TBCK: variants seen among roughly 807,000 people sequenced by gnomAD.
TBCK encodes the protein TBC domain-containing protein kinase-like protein.
A neutral mutation model predicts 113.4 loss-of-function variants in TBCK; 99 were observed. The observed-to-expected ratio is 0.87, with a 90% CI of 0.74 to 1.03. The LOEUF is 1.03. Ranked by LOEUF, TBCK falls within the 50% of genes least tolerant of loss-of-function variation. The pLI, the probability that TBCK is intolerant of heterozygous loss-of-function variation, is 0.00. For missense variants in TBCK, 1,045 were observed against 1,061.3 expected (o/e 0.98, Z 0.21); for synonymous variants, 369 against 370.8 (o/e 1.00, Z 0.05).
At chr4:106,205,291 T>G (rs1482053968) in intron 20 of TBCK, among the ~76,000 whole-genome samples, 1 of 152,086 alleles carries the variant, frequency 6.6e-6, no homozygotes, top group Non-Finnish European at 1.5e-5. Context: ...TCTGTGTAAC[T>G]CAGCAACCAA....
intron 3 of TBCK, among the ~76,000 whole-genome samples, chr4:106,279,299 A>T (rs922851963): frequency 5.3e-5 from 8 of 152,136 alleles, no homozygotes; most frequent in Non-Finnish European, 1.0e-4. Context: ...ATGATTTTTT[A>T]AAATTTTTTT....
At chr4:106,258,286 G>A (rs1762193096) in intron 5 of TBCK, among the ~76,000 whole-genome samples, 1 of 151,946 alleles carries the variant, frequency 6.6e-6, no homozygotes, top group Non-Finnish European at 1.5e-5. Context: ...TAAGCTACTG[G>A]CCAACTGAAA....
intron 2 of TBCK, among the ~76,000 whole-genome samples, chr4:106,304,387 C>G (rs1322224038): frequency 2.0e-5 from 3 of 152,116 alleles, no homozygotes; most frequent in Non-Finnish European, 4.4e-5. Flanking sequence ...GATCCTCATA[C>G]CAAATAAATT....
intron 23 of TBCK, among the ~76,000 whole-genome samples, chr4:106,124,564 C>T (rs1439372046): frequency 1.7e-3 from 252 of 152,010 alleles, no homozygotes; most frequent in African/African-American, 5.6e-3. Context: ...ATGTTTATTG[C>T]GGCATTATTC....
At chr4:106,289,032 G>T (rs551223980) in intron 3 of TBCK, among the ~76,000 whole-genome samples, 1 of 152,196 alleles carries the variant, frequency 6.6e-6, no homozygotes, top group African/African-American at 2.4e-5. Flanking sequence ...TCCCAAATCC[G>T]AAACACTTCT....
rs1313867571 is a variant in TBCK at position 106,041,936 on chromosome 4, A to G, written c.*4634T>C. On this transcript the variant is annotated 3_prime_UTR_variant, in exon 26 of 26. Coordinates refer to ENST00000394708, the MANE Select transcript of TBCK (RefSeq NM_001163435.3). ...CTAACTTTTAAAATAGGTATTTACA[A>G]TGTGTACTGTTTCTAATATTGTATG... is the stretch of plus-strand genomic sequence containing the variant. The G allele has an allele frequency of 2.0e-5, 3 of 152,234 alleles. No individual in the cohort carries two copies. Among genetic ancestry groups the G allele is most frequent in the Admixed American group, 6.5e-5 (1 of 15,284 alleles). 9.4% of individuals were successfully genotyped at this position (152,234 alleles called of 1,614,324 possible). A position where few individuals can be genotyped will look rare whatever the true frequency, so the allele number is the denominator to read the frequency against.
intron 19 of TBCK, among the ~76,000 whole-genome samples, chr4:106,229,601 GTGTC>G (rs1758630136): frequency 1.3e-5 from 2 of 152,072 alleles, no homozygotes; most frequent in East Asian, 3.9e-4. Context: ...ATTGGTCTAT[GTGTC>G]TGTTTTTATG....
chr4:106,121,428 G>A (rs1347838464), intron 23 of TBCK, among the ~76,000 whole-genome samples: 1 of 144,492 alleles, frequency 6.9e-6, no homozygotes, highest in African/African-American at 2.6e-5. Context: ...AATAATGGGA[G>A]ACTTTAACAC....
chr4:106,316,533 G>A (rs546179277), upstream of TBCK: 8 of 1,551,550 alleles, frequency 5.2e-6, no homozygotes, highest in East Asian at 2.4e-5. Context: ...ATAGTACGCG[G>A]GTGGCTGGAC....
chr4:106,279,312 T>C (rs1764346877), intron 3 of TBCK, among the ~76,000 whole-genome samples: 1 of 152,170 alleles, frequency 6.6e-6, no homozygotes. Flanking sequence ...ATTTTTTTAA[T>C]TTTAATTTTT....
rs1366501053 is a variant in TBCK at position 106,260,851 on chromosome 4, G to GGTTA, written c.382-345_382-342dup. Among the ~76,000 whole-genome samples the GGTTA allele has an allele frequency of 1.1e-4, 16 of 151,926 alleles. 1 individual carries two copies. The highest frequency in any genetic ancestry group is 3.9e-4 in the African/African-American group (16 of 41,494). ...ACATTCTCATCTGTCTTGAAACCTT[G>GGTTA]GTTAGAATGTTTTGTGGTAATTTTC... is the stretch of plus-strand genomic sequence containing the variant. On this transcript the variant is annotated intron_variant, in intron 4 of 25. Coordinates refer to ENST00000394708, the MANE Select transcript of TBCK (RefSeq NM_001163435.3).
chr4:106,238,106 CATTT>C (rs1383773570), intron 12 of TBCK, among the ~76,000 whole-genome samples: 1 of 151,990 alleles, frequency 6.6e-6, no homozygotes. Flanking sequence ...AGCCTACATT[CATTT>C]AACTTGGATT....
intron 22 of TBCK, 90 bp from the exon 23 acceptor site, chr4:106,171,360 C>T: frequency 1.1e-6 from 1 of 892,714 alleles, no homozygotes; most frequent in African/African-American, 1.7e-5. Flanking sequence ...GTGAATATAT[C>T]TAAATATGGC....
chr4:106,267,713 T>C (rs1266725257), intron 3 of TBCK, among the ~76,000 whole-genome samples: 15 of 152,168 alleles, frequency 9.9e-5, no homozygotes, highest in African/African-American at 3.6e-4. Context: ...CTTGGTTGTA[T>C]TTGGATTTTC....
chr4:106,110,631 C>T (rs1321841936), intron 24 of TBCK, among the ~76,000 whole-genome samples: 2 of 152,136 alleles, frequency 1.3e-5, no homozygotes, highest in African/African-American at 2.4e-5. Flanking sequence ...GATCTGGGAA[C>T]AAGTGGGTAG....
At chr4:106,162,128 T>A (rs1405522627) in intron 23 of TBCK, among the ~76,000 whole-genome samples, 1 of 151,994 alleles carries the variant, frequency 6.6e-6, no homozygotes, top group Non-Finnish European at 1.5e-5. Flanking sequence ...CCATTCCAAT[T>A]GGGAGAAATT....
rs1316795231 is a variant in TBCK, at chr4:106,043,641, G to A, written c.*2929C>T. ...AATGGAATGCTTTAGTAGATTTGGG[G>A]CTCTTAGTGCAGCATGGGGAAGCCA... is the stretch of plus-strand genomic sequence containing the variant. On this transcript the variant is annotated 3_prime_UTR_variant, in exon 26 of 26. Coordinates refer to ENST00000394708, the MANE Select transcript of TBCK (RefSeq NM_001163435.3). The A allele has an allele frequency of 6.6e-6, 1 of 152,074 alleles. No individual in the cohort carries two copies. The highest frequency in any genetic ancestry group is 1.5e-5 in the Non-Finnish European group (1 of 68,000). The allele number at this position is 152,074 out of a possible 1,614,324, so 9.4% of individuals were successfully genotyped here.
chr4:106,176,854 T>C (rs774000848), intron 22 of TBCK, among the ~76,000 whole-genome samples: 1 of 151,970 alleles, frequency 6.6e-6, no homozygotes, highest in African/African-American at 2.4e-5. Context: ...TTCTTCGTAA[T>C]AGCCTTTTAA....
chr4:106,052,157 C>T (rs910886711), intron 25 of TBCK, among the ~76,000 whole-genome samples: 2 of 151,626 alleles, frequency 1.3e-5, no homozygotes, highest in African/African-American at 4.8e-5. Context: ...GTAATAATAT[C>T]TAGTAACAAT....
Sources: allele counts gnomAD v4.1 joint callset (sites outside exome capture counted in the v4.1 genomes callset), GRCh38; gene constraint gnomAD v4.1.1; transcripts MANE v1.5; gene names NCBI Gene and HGNC (gene_info 2026-07-23, HGNC 2026-07-21).